PIP5K1C: variants seen among roughly 807,000 people sequenced by gnomAD.
The protein encoded by PIP5K1C is phosphatidylinositol 4-phosphate 5-kinase type-1 gamma.
A neutral mutation model predicts 80.1 loss-of-function variants in PIP5K1C; 45 were observed. That is an observed-to-expected ratio of 0.56 (90% CI 0.44 to 0.72). The LOEUF (loss-of-function observed/expected upper bound fraction) is 0.72, where lower values mean the gene tolerates loss of function less well. PIP5K1C is among the 30% of genes least tolerant of loss of function. The probability of loss-of-function intolerance (pLI) is 0.00; values close to 1 mark genes in which losing one functional copy is unlikely to be tolerated. For missense variants in PIP5K1C, 753 were observed against 954.6 expected (o/e 0.79, Z 2.78); for synonymous variants, 498 against 420.1 (o/e 1.19, Z -2.27).
intron 1 of PIP5K1C, among the ~76,000 whole-genome samples, chr19:3,675,540 C>T (rs970660566): frequency 1.3e-5 from 2 of 152,212 alleles, no homozygotes; most frequent in Admixed American, 6.5e-5. Context: ...CAGCAACTAC[C>T]GAGGTCTGAA....
intron 3 of PIP5K1C, among the ~76,000 whole-genome samples, chr19:3,663,476 G>A (rs1057213792): frequency 4.6e-5 from 7 of 152,106 alleles, no homozygotes; most frequent in Non-Finnish European, 7.4e-5. Context: ...ACATACAAAC[G>A]GCCCTGAAGC....
intron 8 of PIP5K1C, among the ~76,000 whole-genome samples, chr19:3,650,987 C>T (rs2034420846): frequency 6.6e-6 from 1 of 151,336 alleles, no homozygotes; most frequent in African/African-American, 2.4e-5. Flanking sequence ...AACTCCTGAC[C>T]TCAGATGATC....
chr19:3,667,530 T>G (rs1005153869), intron 1 of PIP5K1C, among the ~76,000 whole-genome samples, 177 bp from the exon 2 acceptor site: 1 of 152,138 alleles, frequency 6.6e-6, no homozygotes, highest in Non-Finnish European at 1.5e-5. Context: ...GAGGATGTGA[T>G]GAGGGTGGGG....
rs2034844948 is a variant in PIP5K1C at position 3,661,922 on chromosome 19, C to T, written c.299G>A (p.Arg100His). 1 of 1,612,738 alleles carries T rather than the reference C, an allele frequency of 6.2e-7. No individual in the cohort carries two copies. Among genetic ancestry groups the T allele is most frequent in the African/African-American group, 1.3e-5 (1 of 74,962 alleles). The change falls in exon 4 of 18, where the codon CGC (arginine) becomes CAC (histidine). Residue 100 changes from arginine (R) to histidine (H), a missense_variant. Coordinates refer to ENST00000335312, the MANE Select transcript of PIP5K1C (RefSeq NM_012398.3). ...TVGHLSSKPE[R>H]DVLMQDFYVV... ...GTAGAAGTCCTGCATGAGCACGTCGCGTTCGGGCTTGGAGCTCAGGTGGCC... is the reference window on the plus strand; with the variant it reads ...GTAGAAGTCCTGCATGAGCACGTCGTGTTCGGGCTTGGAGCTCAGGTGGCC...
chr19:3,634,075 C>G lies in PIP5K1C; in HGVS notation c.1921-555G>C, dbSNP rs896884803. 7.9e-5 allele frequency among the ~76,000 whole-genome samples: 12 copies of G among 152,156 alleles called. No individual in the cohort carries two copies. In the East Asian group the frequency reaches 2.4e-3, roughly 30 times the overall value. On this transcript the variant is annotated intron_variant, in intron 16 of 17. Transcript: ENST00000335312. Reference sequence around the variant, plus strand: ...AGACGTGCTAGGAGAGACTGAGGCTCGGACCACCCACCCTGCAAGAGCCAG... The same window carrying G: ...AGACGTGCTAGGAGAGACTGAGGCTGGGACCACCCACCCTGCAAGAGCCAG...
intron 5 of PIP5K1C, 28 bp downstream of exon 5, chr19:3,660,938 G>C (rs1480590681): frequency 1.9e-6 from 3 of 1,555,996 alleles, no homozygotes; most frequent in East Asian, 4.5e-5. Flanking sequence ...TTTCAAGCCT[G>C]GAAGCCCGTA....
Position 3,633,443 on chromosome 19 carries a change from G to C in PIP5K1C, c.1998C>G (p.Ser666Arg). 6.7e-7 allele frequency: 1 copy of C among 1,496,072 alleles called. No individual in the cohort carries two copies. The highest frequency in any genetic ancestry group is 8.9e-7 in the Non-Finnish European group (1 of 1,119,806). 92.7% of individuals were successfully genotyped at this position (1,496,072 alleles called of 1,614,324 possible). ...GCACCTGGGCTGCACTTACTGTGTCGCTCTCGCCGTCGGAGGCCGGGGGGG... is the reference window on the plus strand; with the variant it reads ...GCACCTGGGCTGCACTTACTGTGTCCCTCTCGCCGTCGGAGGCCGGGGGGG... The part of the protein sequence containing the change: ...AQAPPASDGE[S>R]DT Residue 666 changes from serine (S) to arginine (R), a missense_variant, in exon 17 of 18, where the codon AGC becomes AGG. Physicochemically the swap from Ser to Arg is moderately radical, Grantham distance 110 (BLOSUM62 -1). This residue lies in a region of PIP5K1C where 315 missense variants were observed against 294.5 expected (regional missense o/e 1.07). Coordinates refer to ENST00000335312, the MANE Select transcript of PIP5K1C (RefSeq NM_012398.3).
At chr19:3,697,462 C>T (rs373861143) in intron 1 of PIP5K1C, among the ~76,000 whole-genome samples, 9 of 122,124 alleles carry the variant, frequency 7.4e-5, no homozygotes, top group African/African-American at 1.3e-4. Flanking sequence ...CGAGCTGGAC[C>T]GAGGAGGACC....
At position 3,700,385 on chromosome 19, in the gene PIP5K1C, C is replaced by T; in HGVS notation, c.6G>A (p.Glu2=). Reference sequence around the variant, plus strand: ...TCTCCGCCTCGTCCGGTACCTCCAGCTCCATGGCCGCGCGCGGACGGCGGC... The same window carrying T: ...TCTCCGCCTCGTCCGGTACCTCCAGTTCCATGGCCGCGCGCGGACGGCGGC... M[E]LEVPDEAESA... The change falls in exon 1 of 18, where the codon GAG becomes GAA. Residue 2 remains glutamate (E), a synonymous_variant. Coordinates refer to ENST00000335312, the MANE Select transcript of PIP5K1C (RefSeq NM_012398.3). 8.5e-7 allele frequency: 1 copy of T among 1,170,834 alleles called. No individual in the cohort carries two copies. The highest frequency in any genetic ancestry group is 1.1e-6 in the Non-Finnish European group (1 of 940,916). 72.5% of individuals were successfully genotyped at this position (1,170,834 alleles called of 1,614,324 possible).
intron 15 of PIP5K1C, among the ~76,000 whole-genome samples, chr19:3,639,251 G>T (rs1435087381): frequency 6.6e-6 from 1 of 152,148 alleles, no homozygotes; most frequent in Non-Finnish European, 1.5e-5. Flanking sequence ...CCGCCAGCCC[G>T]CTGACAGCTC....
In PIP5K1C at chr19:3,648,329, G is replaced by C. The variant is rs147446863; in HGVS notation, c.1211+296C>G. Among the ~76,000 whole-genome samples, 511 of 152,304 alleles carry C rather than the reference G, an allele frequency of 3.4e-3. 5 individuals are homozygous for C. The highest frequency in any genetic ancestry group is 0.011 in the African/African-American group (476 of 41,572). ...GGACCACTACGCCCAACTCACTCTAGATTTTCAAGGCGACCAAACACCTTC... is the reference window on the plus strand; with the variant it reads ...GGACCACTACGCCCAACTCACTCTACATTTTCAAGGCGACCAAACACCTTC... On this transcript the variant is annotated intron_variant, in intron 9 of 17. Transcript: ENST00000335312. The surrounding 1 kb of genome is among the most constrained non-coding windows in gnomAD (Gnocchi z 4.3).
intron 1 of PIP5K1C, 68 bp downstream of exon 1, chr19:3,700,229 G>A (rs1469931717): frequency 1.7e-5 from 16 of 919,484 alleles, no homozygotes; most frequent in South Asian, 4.8e-5. Flanking sequence ...CCCCGGCCCC[G>A]CAGCCCCGCG....
chr19:3,664,445 C>A (rs1405833708), intron 3 of PIP5K1C, among the ~76,000 whole-genome samples: 5 of 152,188 alleles, frequency 3.3e-5, no homozygotes, highest in Non-Finnish European at 7.3e-5. Flanking sequence ...GGCTTCCTAC[C>A]AACACGGTGT....
At chr19:3,683,785 G>A (rs1446608843) in intron 1 of PIP5K1C, among the ~76,000 whole-genome samples, 1 of 152,178 alleles carries the variant, frequency 6.6e-6, no homozygotes, top group African/African-American at 2.4e-5. Context: ...CCCGGGGCAG[G>A]ACCGTGTCTG....
chr19:3,642,135 A>G (rs2033988795), intron 14 of PIP5K1C, among the ~76,000 whole-genome samples: 1 of 152,230 alleles, frequency 6.6e-6, no homozygotes, highest in South Asian at 2.1e-4. Context: ...CAAGTGACTC[A>G]GTGTCCCGGC....
intron 1 of PIP5K1C, among the ~76,000 whole-genome samples, chr19:3,698,942 C>CA: frequency 6.7e-6 from 1 of 148,592 alleles, no homozygotes; most frequent in Admixed American, 6.7e-5. Context: ...CCCCCACCCC[C>CA]ACCCCCCCAC....
chr19:3,691,727 G>A (rs953558837), intron 1 of PIP5K1C, among the ~76,000 whole-genome samples: 2 of 151,574 alleles, frequency 1.3e-5, no homozygotes, highest in African/African-American at 4.9e-5. Flanking sequence ...CTGAATACAC[G>A]TACCACCTTT....
chr19:3,694,922 T>C (rs553925173), intron 1 of PIP5K1C, among the ~76,000 whole-genome samples: 1 of 152,366 alleles, frequency 6.6e-6, no homozygotes, highest in Admixed American at 6.5e-5. Flanking sequence ...GGGCAGCAAG[T>C]GTTTTCGGCT....
At chr19:3,655,783 G>C (rs988696966) in intron 6 of PIP5K1C, among the ~76,000 whole-genome samples, 1 of 152,208 alleles carries the variant, frequency 6.6e-6, no homozygotes, top group South Asian at 2.1e-4. Flanking sequence ...GCAGCAGCTT[G>C]GGCCTGGCAA....
Sources: gnomAD v4.1 joint callset for allele counts (sites outside exome capture counted in the v4.1 genomes callset) on GRCh38, gnomAD v4.1.1 for gene constraint, gnomAD v4.1.1 regional missense constraint, Gnocchi (gnomAD v3.1) non-coding constraint, MANE v1.5 for transcripts, NCBI Gene and HGNC (gene_info 2026-07-23, HGNC 2026-07-21) for gene names.